DCST2: variants seen among roughly 807,000 people sequenced by gnomAD.
The protein encoded by DCST2 is DC-STAMP domain-containing protein 2.
In DCST2, 64 loss-of-function variants were observed where a neutral mutation model predicts 81.8. That is an observed-to-expected ratio of 0.78 (90% CI 0.64 to 0.96). The LOEUF is 0.96. Among genes scored for constraint, DCST2 ranks in the 40% least tolerant of loss-of-function variants. The pLI, the probability that DCST2 is intolerant of heterozygous loss-of-function variation, is 0.00. For missense variants in DCST2, 945 were observed against 1,001.4 expected, an observed-to-expected ratio of 0.94 and a Z score of 0.76; for synonymous variants, 354 against 402.6, an observed-to-expected ratio of 0.88 and a Z score of 1.44.
At chr1:155,019,812 C>T (rs1459375168) in intron 14 of DCST2, among the ~76,000 whole-genome samples, 2 of 152,376 alleles carry the variant, frequency 1.3e-5, no homozygotes, top group East Asian at 1.9e-4. Flanking sequence ...TTACAAGTTA[C>T]AGCTTCCAGC....
Position 155,018,847 on chromosome 1 carries a change from C to T in DCST2, c.2106-87G>A, listed in dbSNP as rs573403900. ...TGCCCCCTGCCCTGCCCCATCTGTT[C>T]AGATCCAGCTCCTGTTCTTTCTGAG... On this transcript the variant is annotated intron_variant, in intron 14 of 14. Transcript: ENST00000368424. 74 of 1,331,592 alleles carry T rather than the reference C, an allele frequency of 5.6e-5. 1 individual carries two copies. In the South Asian group the frequency reaches 8.6e-4, roughly 15 times the overall value. The allele number at this position is 1,331,592 out of a possible 1,614,324, so 82.5% of individuals were successfully genotyped here.
rs1346854800 is a variant in DCST2, at chr1:155,021,420, AGCCACTGTGCCCAT to A, written c.2105+1683_2105+1696del. Among the ~76,000 whole-genome samples the A allele has an allele frequency of 2.7e-5, 4 of 147,964 alleles. No homozygotes were observed. In the East Asian group the frequency reaches 7.7e-4, roughly 29 times the overall value. On this transcript the variant is annotated intron_variant, in intron 14 of 14. Coordinates refer to ENST00000368424, the MANE Select transcript of DCST2 (RefSeq NM_144622.3). The stretch of plus-strand genomic sequence containing the variant: ...CCAAATTGCTGAAATTACAGGTGTG[AGCCACTGTGCCCAT>A]CCCCCTACTTGATTTCATATGTTTG...
intron 12 of DCST2, 79 bp from the exon 13 acceptor site, chr1:155,023,536 C>T (rs958044670): frequency 1.3e-6 from 2 of 1,549,348 alleles, no homozygotes; most frequent in African/African-American, 2.7e-5. Flanking sequence ...CCAGCCCCTG[C>T]CTCCCCTATC....
At chr1:155,032,624 G>T in intron 3 of DCST2, 43 bp downstream of exon 3, 1 of 1,567,698 alleles carries the variant, frequency 6.4e-7, no homozygotes, top group South Asian at 1.1e-5. Flanking sequence ...GCCAGGACTG[G>T]GTGCATTTTG....
At position 155,032,715 on chromosome 1, in the gene DCST2, G is replaced by C. The variant is rs201683928; in HGVS notation, c.493C>G (p.Arg165Gly). ...IARKTKEVADRVRKFFRSIMD... is the reference protein window; with the variant it reads ...IARKTKEVADGVRKFFRSIMD... ...ATTGACCGAAAGAACTTGCGGACCC[G>C]GTCAGCCACCTCTTTGGTCTTCCGG... is the stretch of plus-strand genomic sequence containing the variant. Residue 165 changes from arginine to glycine, a missense_variant, in exon 3 of 15, where the codon CGG (arginine) becomes GGG (glycine). By Grantham distance (125) the Arg-to-Gly change is moderately radical (BLOSUM62 -2). Coordinates refer to ENST00000368424, the MANE Select transcript of DCST2 (RefSeq NM_144622.3). The C allele has an allele frequency of 1.9e-6, 3 of 1,614,092 alleles. No homozygotes were observed. Among genetic ancestry groups the C allele is most frequent in the Non-Finnish European group, 2.5e-6 (3 of 1,179,990 alleles).
Position 155,028,584 on chromosome 1 carries a change from A to G in DCST2, c.1342+649T>C, listed in dbSNP as rs184258039. ...GGGTGACAGAGTGAGACTCCATCTC[A>G]AAAAAAAAGGCCAAGCATGGTGGCT... On this transcript the variant is annotated intron_variant, in intron 8 of 14. Coordinates refer to ENST00000368424, the MANE Select transcript of DCST2 (RefSeq NM_144622.3). 5.8e-3 allele frequency among the ~76,000 whole-genome samples: 878 copies of G among 150,450 alleles called. 4 individuals are homozygous for G. Among genetic ancestry groups the G allele is most frequent in the African/African-American group, 0.018 (744 of 40,994 alleles).
In DCST2 at chr1:155,033,684, C is replaced by T. The variant is rs565155554; in HGVS notation, c.18G>A (p.Lys6=). The change falls in exon 1 of 15, where the codon AAG becomes AAA. Residue 6 remains lysine, a synonymous_variant. Transcript: ENST00000368424. MPKVM[K]DVVHPLGGEE... is the part of the protein sequence containing the mutation. ...CTCCCCCCAAGGGGTGCACAACATC[C>T]TTCATGACTTTGGGCATGGCTGCTG... is the stretch of plus-strand genomic sequence containing the variant. The T allele has an allele frequency of 1.9e-6, 3 of 1,613,662 alleles. No individual in the cohort carries two copies. The East Asian group carries it at 6.7e-5, about 36-fold the overall frequency.
chr1:155,032,606 C>G (rs753423718), intron 3 of DCST2, 61 bp downstream of exon 3: 1 of 1,454,650 alleles, frequency 6.9e-7, no homozygotes, highest in Non-Finnish European at 9.6e-7. Context: ...CATGAGCCAC[C>G]GCACCCGGCC....
chr1:155,032,995 T>C, intron 2 of DCST2, 99 bp downstream of exon 2: 2 of 1,348,736 alleles, frequency 1.5e-6, no homozygotes, highest in Non-Finnish European at 2.0e-6. Context: ...GCTCCGCGAT[T>C]AGCACCAGCA....
intron 8 of DCST2, 35 bp downstream of exon 8, chr1:155,029,198 G>A (rs1659997018): frequency 1.2e-6 from 2 of 1,608,046 alleles, no homozygotes; most frequent in African/African-American, 1.3e-5. Context: ...GGCTGCAGTG[G>A]GTGAGTGGGA....
intron 11 of DCST2, 21 bp downstream of exon 11, chr1:155,024,451 T>A: frequency 1.3e-6 from 2 of 1,582,304 alleles, no homozygotes; most frequent in Non-Finnish European, 1.7e-6. Flanking sequence ...CCCACCCCTA[T>A]AGAAAAGACA....
intron 11 of DCST2, 146 bp downstream of exon 11, chr1:155,024,326 C>A: frequency 8.7e-7 from 1 of 1,143,014 alleles, no homozygotes; most frequent in Non-Finnish European, 1.2e-6. Context: ...AAAGAATTCC[C>A]ACCTTTCACA....
At chr1:155,018,784 G>A in intron 14 of DCST2, 24 bp from the exon 15 acceptor site, 1 of 1,603,654 alleles carries the variant, frequency 6.2e-7, no homozygotes, top group Non-Finnish European at 8.5e-7. Flanking sequence ...GAAGGGGGTG[G>A]CCGGATCACC....
chr1:155,030,277 T>C (rs1403321965), intron 6 of DCST2, 36 bp from the exon 7 acceptor site: 1 of 1,613,154 alleles, frequency 6.2e-7, no homozygotes, highest in Non-Finnish European at 8.5e-7. Flanking sequence ...TGAGGCCCCT[T>C]AGGACCCCAG....
chr1:155,023,003 A>G, intron 14 of DCST2, 114 bp downstream of exon 14: 1 of 1,471,870 alleles, frequency 6.8e-7, no homozygotes, highest in Non-Finnish European at 9.1e-7. Context: ...CCCTCCCCTC[A>G]TGTCTGTTTC....
chr1:155,030,269 A>G (rs978091323), intron 6 of DCST2, 28 bp from the exon 7 acceptor site: 2 of 1,613,638 alleles, frequency 1.2e-6, no homozygotes, highest in Non-Finnish European at 1.7e-6. Context: ...AGCACATGTG[A>G]GGCCCCTTAG....
In DCST2 at chr1:155,023,271, T is replaced by C; in HGVS notation, c.1965-14A>G. On this transcript the variant is annotated splice_polypyrimidine_tract_variant and intron_variant, in intron 13 of 14. Transcript: ENST00000368424. Reference sequence around the variant, plus strand: ...TCGCTGGAGTCCCTGGAGAAGACTCTCATCTCAGTGGCCTGCAGACATCCT... The same window carrying C: ...TCGCTGGAGTCCCTGGAGAAGACTCCCATCTCAGTGGCCTGCAGACATCCT... 1 of 1,614,034 alleles carries C rather than the reference T, an allele frequency of 6.2e-7. No individual in the cohort carries two copies. Among genetic ancestry groups the C allele is most frequent in the Non-Finnish European group, 8.5e-7 (1 of 1,179,980 alleles).
At chr1:155,025,682 A>C (rs1481430076) in intron 10 of DCST2, among the ~76,000 whole-genome samples, 4 of 147,738 alleles carry the variant, frequency 2.7e-5, no homozygotes, top group African/African-American at 1.0e-4. Flanking sequence ...CCACCTCACC[A>C]CCATGTTTTT....
intron 14 of DCST2, among the ~76,000 whole-genome samples, chr1:155,021,845 T>G (rs1487235857): frequency 6.6e-6 from 1 of 151,186 alleles, no homozygotes; most frequent in Non-Finnish European, 1.5e-5. Context: ...ACCTCCACTC[T>G]GCCTTCTTTG....
Sources: allele counts gnomAD v4.1 joint callset (sites outside exome capture counted in the v4.1 genomes callset), GRCh38; gene constraint gnomAD v4.1.1; transcripts MANE v1.5; gene names NCBI Gene and HGNC (gene_info 2026-07-23, HGNC 2026-07-21).